Variants in FAM120B observed in about 807,000 individuals in gnomAD.
FAM120B encodes constitutive coactivator of peroxisome proliferator-activated receptor gamma.
FAM120B carries 83 observed loss-of-function variants against 96.3 expected under a neutral mutation model. That is an observed-to-expected ratio of 0.86 (90% confidence interval 0.72 to 1.03). FAM120B has a LOEUF of 1.03. FAM120B is among the 50% of genes least tolerant of loss of function. The pLI, the probability that FAM120B is intolerant of heterozygous loss-of-function variation, is 0.00. For missense variants in FAM120B, 1,027 were observed against 1,121.2 expected (o/e 0.92, Z 1.20); for synonymous variants, 407 against 402.7 (o/e 1.01, Z -0.13).
At chr6:170,345,594 A>G (rs1481665363) in intron 4 of FAM120B, among the ~76,000 whole-genome samples, 1 of 152,270 alleles carries the variant, frequency 6.6e-6, no homozygotes, top group Admixed American at 6.5e-5. Context: ...GTATCAGTGC[A>G]TATGAATGGA....
chr6:170,388,669 A>G (rs1316672141), intron 7 of FAM120B, among the ~76,000 whole-genome samples, 176 bp downstream of exon 7: 2 of 152,212 alleles, frequency 1.3e-5, no homozygotes, highest in Non-Finnish European at 2.9e-5. Flanking sequence ...TAACTAATAC[A>G]GGCTGAATAT....
chr6:170,353,244 C>T lies in FAM120B; in HGVS notation c.2190+4921C>T, dbSNP rs1032006087. 2.0e-5 allele frequency among the ~76,000 whole-genome samples: 3 copies of T among 151,790 alleles called. No individual in the cohort carries two copies. In the South Asian group the frequency reaches 6.2e-4, roughly 32 times the overall value. ...CCAATAATGAGTTCTGAAATTAAGG[C>T]AATAATAAATAGCTTACCAAACAAA... On this transcript the variant is annotated intron_variant, in intron 5 of 10. Transcript: ENST00000476287.
At position 170,295,514 on chromosome 6, in the gene FAM120B, G is replaced by A. The variant is rs1414264530; in HGVS notation, c.48+61G>A. 5 of 666,018 alleles carry A rather than the reference G, an allele frequency of 7.5e-6. No individual in the cohort carries two copies. Among genetic ancestry groups the A allele is most frequent in the Non-Finnish European group, 1.3e-5 (5 of 370,426 alleles). 41.3% of individuals were successfully genotyped at this position (666,018 alleles called of 1,614,324 possible). A position where few individuals can be genotyped will look rare whatever the true frequency, so the allele number is the denominator to read the frequency against. Reference sequence around the variant, plus strand: ...CCCCAGGCAGCCGCGCTTCCACAGCGGGCAGGAGCGCGACCCCCGGCGCGG... The same window carrying A: ...CCCCAGGCAGCCGCGCTTCCACAGCAGGCAGGAGCGCGACCCCCGGCGCGG... On this transcript the variant is annotated intron_variant, in intron 1 of 10. Coordinates refer to the FAM120B transcript ENST00000537664. The surrounding 1 kb of genome is among the most constrained non-coding windows in gnomAD (Gnocchi z 7.8).
intron 4 of FAM120B, among the ~76,000 whole-genome samples, chr6:170,346,393 T>C (rs1787192866): frequency 6.6e-6 from 1 of 152,220 alleles, no homozygotes; most frequent in Non-Finnish European, 1.5e-5. Flanking sequence ...TTTTATTTTC[T>C]TCTTTATACT....
rs138672253 is a variant in FAM120B at position 170,326,576 on chromosome 6, G to A, written c.1915+3317G>A. 2.0e-5 allele frequency among the ~76,000 whole-genome samples: 3 copies of A among 152,252 alleles called. No individual in the cohort carries two copies. The East Asian group carries it at 5.8e-4, about 29-fold the overall frequency. ...GAAGGGTCAGATAATAATAAATATT[G>A]TAGGTTTTGAGGGCTCCTTCCACAG... On this transcript the variant is annotated intron_variant, in intron 3 of 10. Coordinates refer to ENST00000476287, the MANE Select transcript of FAM120B (RefSeq NM_032448.3).
chr6:170,373,740 C>A (rs982968462), intron 6 of FAM120B, among the ~76,000 whole-genome samples: 1 of 152,098 alleles, frequency 6.6e-6, no homozygotes, highest in African/African-American at 2.4e-5. Context: ...GGCAAACAGG[C>A]CTGAGAAGCA....
chr6:170,303,080 T>A (rs907294804), upstream of FAM120B, among the ~76,000 whole-genome samples: 2 of 152,240 alleles, frequency 1.3e-5, no homozygotes, highest in African/African-American at 4.8e-5. Context: ...AAATTTTTCC[T>A]TATATCAAAT....
At chr6:170,308,449 A>G (rs1784413191) in intron 1 of FAM120B, among the ~76,000 whole-genome samples, 1 of 152,090 alleles carries the variant, frequency 6.6e-6, no homozygotes. Flanking sequence ...GCCCACTGAG[A>G]AAACTACAGT....
At chr6:170,357,097 T>A (rs1399145242) in intron 5 of FAM120B, among the ~76,000 whole-genome samples, 2 of 152,152 alleles carry the variant, frequency 1.3e-5, no homozygotes, top group Non-Finnish European at 2.9e-5. Flanking sequence ...ATTTTTAATA[T>A]CCAAGAAGAA....
intron 1 of FAM120B, among the ~76,000 whole-genome samples, chr6:170,307,074 C>T (rs931250128): frequency 1.3e-5 from 2 of 152,250 alleles, no homozygotes; most frequent in African/African-American, 4.8e-5. Flanking sequence ...AACCCTCCTG[C>T]CGAGCCCTGG....
intron 1 of FAM120B, among the ~76,000 whole-genome samples, chr6:170,296,759 G>T (rs902387086): frequency 5.1e-4 from 78 of 152,158 alleles, no homozygotes; most frequent in East Asian, 3.9e-4. Flanking sequence ...CCCGCGCGGG[G>T]TGGGGGTCTC....
intron 5 of FAM120B, among the ~76,000 whole-genome samples, chr6:170,357,259 T>G (rs2115180244): frequency 6.6e-6 from 1 of 152,234 alleles, no homozygotes; most frequent in Non-Finnish European, 1.5e-5. Flanking sequence ...ACGTCCTGCC[T>G]TTATCTGGGT....
At chr6:170,368,823 G>GA (rs146108401) in intron 6 of FAM120B, among the ~76,000 whole-genome samples, 3,056 of 125,298 alleles carry the variant, frequency 0.024, 52 homozygotes, top group Non-Finnish European at 0.037. Flanking sequence ...CCGGGGCTGG[G>GA]GGGGGGGCTC....
intron 5 of FAM120B, among the ~76,000 whole-genome samples, chr6:170,357,382 G>A (rs1028302458): frequency 2.0e-5 from 3 of 152,094 alleles, no homozygotes; most frequent in African/African-American, 7.2e-5. Context: ...TGTCTTCCCC[G>A]CTCTTCACGC....
chr6:170,311,478 A>T (rs1224083999), intron 1 of FAM120B, among the ~76,000 whole-genome samples: 2 of 152,236 alleles, frequency 1.3e-5, no homozygotes, highest in Non-Finnish European at 2.9e-5. Context: ...ATTTGAAAAA[A>T]GATACCTTGC....
chr6:170,327,281 T>C (rs1043708043), intron 3 of FAM120B, among the ~76,000 whole-genome samples: 6 of 151,844 alleles, frequency 4.0e-5, no homozygotes, highest in East Asian at 1.9e-4. Context: ...CTCCTGACCT[T>C]GTGATCCGCC....
At chr6:170,317,331 T>C in intron 1 of FAM120B, 39 bp from the exon 2 acceptor site, 1 of 1,488,748 alleles carries the variant, frequency 6.7e-7, no homozygotes, top group Non-Finnish European at 9.2e-7. Flanking sequence ...TATCTAATGA[T>C]AATGCCATAA....
At position 170,333,334 on chromosome 6, in the gene FAM120B, G is replaced by A. The variant is rs1000941427; in HGVS notation, c.2017+2784G>A. 5.3e-5 allele frequency among the ~76,000 whole-genome samples: 8 copies of A among 152,186 alleles called. No homozygotes were observed. In the South Asian group the frequency reaches 1.0e-3, roughly 20 times the overall value. Reference sequence around the variant, plus strand: ...ATGTGCCATCTGTGAACCAGGAAGCGGGGCCTCACCAGAAGCCAACCATGC... The same window carrying A: ...ATGTGCCATCTGTGAACCAGGAAGCAGGGCCTCACCAGAAGCCAACCATGC... On this transcript the variant is annotated intron_variant, in intron 4 of 10. Coordinates refer to ENST00000476287, the MANE Select transcript of FAM120B (RefSeq NM_032448.3).
chr6:170,373,069 A>G (rs927718892), intron 6 of FAM120B, among the ~76,000 whole-genome samples: 1 of 152,214 alleles, frequency 6.6e-6, no homozygotes, highest in Non-Finnish European at 1.5e-5. Flanking sequence ...AACCTTCCTT[A>G]GCATATAAAC....
Sources: allele counts gnomAD v4.1 joint callset (sites outside exome capture counted in the v4.1 genomes callset), GRCh38; gene constraint gnomAD v4.1.1; non-coding constraint Gnocchi (gnomAD v3.1); transcripts MANE v1.5; gene names NCBI Gene and HGNC (gene_info 2026-07-23, HGNC 2026-07-21).